PPP1R12C: variants seen among roughly 807,000 people sequenced by gnomAD.
PPP1R12C encodes the protein protein phosphatase 1 regulatory subunit 12C.
In PPP1R12C, 48 loss-of-function variants were observed where a neutral mutation model predicts 95.6. The ratio of observed to expected loss-of-function variants is 0.50; its 90% CI spans 0.40 to 0.64. The LOEUF (loss-of-function observed/expected upper bound fraction) is 0.64. Among genes scored for constraint, PPP1R12C ranks in the 30% least tolerant of loss-of-function variants. The pLI is 0.00. For missense variants in PPP1R12C, 1,057 were observed against 1,083.3 expected, an observed-to-expected ratio of 0.98 and a Z score of 0.34; for synonymous variants, 480 against 460.8, an observed-to-expected ratio of 1.04 and a Z score of -0.53.
chr19:55,099,172 G>C (rs2084955231), intron 4 of PPP1R12C, 77 bp from the exon 5 acceptor site: 1 of 1,427,638 alleles, frequency 7.0e-7, no homozygotes, highest in Non-Finnish European at 9.2e-7. Flanking sequence ...CAGCGGTTTG[G>C]TAACGAGGTC....
chr19:55,095,050 C>A, intron 11 of PPP1R12C: 1 of 675,846 alleles, frequency 1.5e-6, no homozygotes, highest in South Asian at 1.8e-5. Context: ...CGGACGGCGC[C>A]GTGGTGGCAG....
chr19:55,113,703 G>A lies in PPP1R12C; in HGVS notation c.322-908C>T, dbSNP rs545117715. 6.0e-6 allele frequency: 5 copies of A among 839,288 alleles called. No individual in the cohort carries two copies. In the East Asian group the frequency reaches 1.1e-4, roughly 18 times the overall value. The allele number at this position is 839,288 out of a possible 1,614,324, so 52.0% of individuals were successfully genotyped here. On this transcript the variant is annotated intron_variant, in intron 1 of 21. Coordinates refer to ENST00000263433, the MANE Select transcript of PPP1R12C (RefSeq NM_017607.4). ...GCTGCCCATCTGGAGGAGGCGGGAG[G>A]GAGCTACGAGGGCCAAGAGCATGAG...
rs753631226 is a variant in PPP1R12C, at chr19:55,093,086, G to A, written c.1765-10C>T. 4 of 1,607,966 alleles carry A rather than the reference G, an allele frequency of 2.5e-6. No homozygotes were observed. Among genetic ancestry groups the A allele is most frequent in the South Asian group, 2.2e-5 (2 of 90,830 alleles). On this transcript the variant is annotated splice_polypyrimidine_tract_variant and intron_variant, in intron 14 of 21. Coordinates refer to ENST00000263433, the MANE Select transcript of PPP1R12C (RefSeq NM_017607.4). ...GCCTTCGGGAAGGGTCCTGTCGGGA[G>A]GGGGAGGCGAGTCAGGGAAGCAGGA...
At position 55,099,382 on chromosome 19, in the gene PPP1R12C, A is replaced by T. The variant is rs367871520; in HGVS notation, c.732-287T>A. 4.6e-5 allele frequency among the ~76,000 whole-genome samples: 7 copies of T among 152,288 alleles called. No individual in the cohort carries two copies. In the East Asian group the frequency reaches 1.4e-3, roughly 29 times the overall value. On this transcript the variant is annotated intron_variant, in intron 4 of 21. Coordinates refer to ENST00000263433, the MANE Select transcript of PPP1R12C (RefSeq NM_017607.4). ...GGGGTCACCCTGGCTGTGGGATTCC[A>T]AGGTGGCAGCAGCGGGGTGTAAGGA...
chr19:55,095,676 G>A (rs1346709924), intron 9 of PPP1R12C, 73 bp from the exon 10 acceptor site: 1 of 1,505,916 alleles, frequency 6.6e-7, no homozygotes, highest in Non-Finnish European at 8.9e-7. Flanking sequence ...AGCCCCCAAA[G>A]GACTGCAACA....
Position 55,092,425 on chromosome 19 carries a change from G to C in PPP1R12C, c.2055+17C>G. ...GCACCCAGCAGGCAAAGCCCCGACG[G>C]AGGGGTGGGATCGCACCGTCCTAAA... is the stretch of plus-strand genomic sequence containing the variant. On this transcript the variant is annotated intron_variant, in intron 18 of 21. Coordinates refer to ENST00000263433, the MANE Select transcript of PPP1R12C (RefSeq NM_017607.4). The C allele has an allele frequency of 6.3e-7, 1 of 1,598,138 alleles. No individual in the cohort carries two copies.
rs1568807076 is a variant in PPP1R12C at position 55,095,450 on chromosome 19, T to TGGA, written c.1378_1380dup (p.Ser460dup). 6.4e-7 allele frequency: 1 copy of TGGA among 1,561,408 alleles called. No individual in the cohort carries two copies. The highest frequency in any genetic ancestry group is 2.4e-5 in the East Asian group (1 of 41,644). On this transcript the variant is annotated inframe_insertion, in exon 10 of 22. Transcript: ENST00000263433. Reference sequence around the variant, plus strand: ...CCGGCCCAACCCTCACTCACCTGAGTGGAGGTCCCTTCCAGCCAGGAGGAG... The same window carrying TGGA: ...CCGGCCCAACCCTCACTCACCTGAGTGGAGGAGGTCCCTTCCAGCCAGGAGGAG...
chr19:55,092,013 C>A, intron 19 of PPP1R12C, 104 bp from the exon 20 acceptor site: 2 of 1,435,306 alleles, frequency 1.4e-6, no homozygotes, highest in East Asian at 2.3e-5. Flanking sequence ...AGGCAGCCCA[C>A]AAGCCCTTCC....
chr19:55,095,663 G>A (rs541583729), intron 9 of PPP1R12C, 60 bp from the exon 10 acceptor site: 2 of 1,509,678 alleles, frequency 1.3e-6, no homozygotes, highest in Admixed American at 2.2e-5. Flanking sequence ...GACCTCAAGG[G>A]TTAGCCCCCA....
Position 55,092,261 on chromosome 19 carries a change from C to T in PPP1R12C, c.2121G>A (p.Arg707=). The T allele has an allele frequency of 1.3e-6, 2 of 1,597,040 alleles. No individual in the cohort carries two copies. Among genetic ancestry groups the T allele is most frequent in the African/African-American group, 2.7e-5 (2 of 74,754 alleles). The change falls in exon 19 of 22, where the codon CGG becomes CGA. Residue 707 remains arginine, a synonymous_variant. Transcript: ENST00000263433. ...LREALTETTL[R]LAQLKVELER... ...CCAGCTCCACCTTGAGCTGCGCCAG[C>T]CGCAGCGTGGTCTCGGTCAGGGCCT...
At position 55,092,862 on chromosome 19, in the gene PPP1R12C, G is replaced by A; in HGVS notation, c.1832C>T (p.Ala611Val). Reference sequence around the variant, plus strand: ...CGGTCCCGGACCCTGCCCGTCGGGCGCCTCTGCTGGGGGAGGGGCAGGAAT... The same window carrying A: ...CGGTCCCGGACCCTGCCCGTCGGGCACCTCTGCTGGGGGAGGGGCAGGAAT... The part of the protein sequence containing the change: ...NSDSPAQRAE[A>V]PDGQGPGPQA... The change falls in exon 16 of 22, where the codon GCG becomes GTG. Residue 611 changes from alanine to valine, a missense_variant. Transcript: ENST00000263433. 6.3e-7 allele frequency: 1 copy of A among 1,588,832 alleles called. No homozygotes were observed. The highest frequency in any genetic ancestry group is 1.1e-5 in the South Asian group (1 of 88,710).
In PPP1R12C at chr19:55,091,355, G is replaced by A; in HGVS notation, c.*117C>T. The A allele has an allele frequency of 1.8e-6, 2 of 1,093,256 alleles. No individual in the cohort carries two copies. Among genetic ancestry groups the A allele is most frequent in the Non-Finnish European group, 2.6e-6 (2 of 756,872 alleles). 67.7% of individuals were successfully genotyped at this position (1,093,256 alleles called of 1,614,324 possible). On this transcript the variant is annotated 3_prime_UTR_variant, in exon 22 of 22. Coordinates refer to ENST00000263433, the MANE Select transcript of PPP1R12C (RefSeq NM_017607.4). Reference sequence around the variant, plus strand: ...CCCTCCCAGTCCGGAGGTCCCAGGGGGGCTATGGCTTCTCTGAGACTTCCC... The same window carrying A: ...CCCTCCCAGTCCGGAGGTCCCAGGGAGGCTATGGCTTCTCTGAGACTTCCC...
intron 1 of PPP1R12C, chr19:55,113,423 C>CAG (rs1412759496): frequency 6.7e-7 from 1 of 1,502,478 alleles, no homozygotes; most frequent in African/African-American, 1.4e-5. Context: ...TGTCACACTC[C>CAG]AGTTCACTGA....
intron 11 of PPP1R12C, 55 bp downstream of exon 11, chr19:55,095,236 C>T: frequency 6.6e-7 from 1 of 1,504,982 alleles, no homozygotes; most frequent in South Asian, 1.2e-5. Context: ...CACGGACAGG[C>T]TTGGAACCCA....
chr19:55,108,367 A>G (rs2085060912), intron 3 of PPP1R12C, among the ~76,000 whole-genome samples: 1 of 151,804 alleles, frequency 6.6e-6, no homozygotes, highest in Non-Finnish European at 1.5e-5. Context: ...AATGGCTCAC[A>G]CCTGCAATCC....
intron 2 of PPP1R12C, 30 bp downstream of exon 2, chr19:55,112,635 C>T (rs2085110203): frequency 1.2e-6 from 2 of 1,612,684 alleles, no homozygotes; most frequent in Non-Finnish European, 8.5e-7. Flanking sequence ...CCACCCCGAC[C>T]AGGTCCTGCC....
rs760256920 is a variant in PPP1R12C, at chr19:55,096,322, T to C, written c.965A>G (p.Lys322Arg). The C allele has an allele frequency of 3.7e-6, 6 of 1,613,432 alleles. No homozygotes were observed. Among genetic ancestry groups the C allele is most frequent in the South Asian group, 3.3e-5 (3 of 91,084 alleles). ...CTGGCCCCGGCTCTGGGAAGCTTCT[T>C]TTTGGTTCCGAAGCTGCAAGGAGGG... ...ARKQEDLRNQ[K>R]EASQSRGQEP... Residue 322 changes from lysine to arginine, a missense_variant, in exon 7 of 22, where the codon AAA (lysine) becomes AGA (arginine). Around this residue, in one of 5 missense-constraint regions of PPP1R12C, gnomAD observed 356 missense variants for 330.5 expected, o/e 1.08. Coordinates refer to ENST00000263433, the MANE Select transcript of PPP1R12C (RefSeq NM_017607.4).
chr19:55,098,221 C>G (rs1027101808), intron 6 of PPP1R12C, among the ~76,000 whole-genome samples: 1 of 152,214 alleles, frequency 6.6e-6, no homozygotes, highest in Non-Finnish European at 1.5e-5. Flanking sequence ...CGCATGACCC[C>G]TCATACAGTT....
In PPP1R12C at chr19:55,092,800, A is replaced by G; in HGVS notation, c.1894T>C (p.Trp632Arg). 6.5e-7 allele frequency: 1 copy of G among 1,548,382 alleles called. No homozygotes were observed. The highest frequency in any genetic ancestry group is 8.7e-7 in the Non-Finnish European group (1 of 1,148,468). Residue 632 changes from tryptophan (W) to arginine (R), a missense_variant, in exon 16 of 22, where the codon TGG becomes CGG. Trp to Arg is a moderately radical substitution (Grantham distance 101). Transcript: ENST00000263433. ...CCCCTCACCTCCGCAGGCCCCCTCC[A>G]CTCCTTTCCGACCTTGCGGTGCTCC... ...AREHRKVGKE[W>R]RGPAEGEEAE...
Sources: gnomAD v4.1 joint callset for allele counts (sites outside exome capture counted in the v4.1 genomes callset) on GRCh38, gnomAD v4.1.1 for gene constraint, gnomAD v4.1.1 regional missense constraint, MANE v1.5 for transcripts, NCBI Gene and HGNC (gene_info 2026-07-23, HGNC 2026-07-21) for gene names.